DIAPH2: variants seen among roughly 807,000 people sequenced by gnomAD.
DIAPH2 encodes the protein protein diaphanous homolog 2.
In DIAPH2, 35 loss-of-function variants were observed where a neutral mutation model predicts 92.7. The observed-to-expected ratio is 0.38, with a 90% CI of 0.29 to 0.50. The LOEUF is 0.50. Among genes scored for constraint, DIAPH2 ranks in the 20% least tolerant of loss-of-function variants. The pLI, the probability that DIAPH2 is intolerant of heterozygous loss-of-function variation, is 0.94. For synonymous variants in DIAPH2, 301 were observed against 280.4 expected, an observed-to-expected ratio of 1.07 and a Z score of -0.73; for missense variants, 701 against 819.5, an observed-to-expected ratio of 0.86 and a Z score of 1.77.
At chrX:97,198,573 ATAT>A (rs1037929085) in intron 22 of DIAPH2, among the ~76,000 whole-genome samples, 7 of 111,643 alleles carry the variant, frequency 6.3e-5, no homozygotes, top group African/African-American at 2.0e-4. Context: ...CCTATGTAAA[ATAT>A]TATGAATTTA....
At chrX:97,353,499 T>G (rs1387410675) in intron 24 of DIAPH2, among the ~76,000 whole-genome samples, 2 of 111,373 alleles carry the variant, frequency 1.8e-5, no homozygotes, top group South Asian at 7.4e-4. Flanking sequence ...TTTGCTTTTT[T>G]AAAGAACAAT....
intron 21 of DIAPH2, among the ~76,000 whole-genome samples, chrX:97,140,309 C>T (rs1297574934): frequency 1.8e-5 from 2 of 111,469 alleles, no homozygotes; most frequent in Non-Finnish European, 3.8e-5. Flanking sequence ...ATGTGAGCTT[C>T]CCATTGATTC....
intron 26 of DIAPH2, among the ~76,000 whole-genome samples, chrX:97,546,622 G>T (rs2071183059): frequency 9.0e-6 from 1 of 111,674 alleles, no homozygotes; most frequent in Non-Finnish European, 1.9e-5. Flanking sequence ...GATCTCCTGA[G>T]GTCAGGGGTT....
chrX:97,284,207 G>C (rs988920990), intron 23 of DIAPH2, among the ~76,000 whole-genome samples: 2 of 111,751 alleles, frequency 1.8e-5, no homozygotes, highest in Admixed American at 9.5e-5. Flanking sequence ...AATGTAATCT[G>C]ACTAAATATT....
At chrX:96,842,833 G>A (rs1376532585) in intron 4 of DIAPH2, among the ~76,000 whole-genome samples, 2 of 111,362 alleles carry the variant, frequency 1.8e-5, no homozygotes, top group Non-Finnish European at 1.9e-5. Context: ...TTGCTAACTA[G>A]ATCAATTGAT....
At chrX:96,813,083 C>T (rs1200452105) in intron 4 of DIAPH2, among the ~76,000 whole-genome samples, 4 of 111,128 alleles carry the variant, frequency 3.6e-5, no homozygotes, top group Non-Finnish European at 7.5e-5. Context: ...CCTTGTTAAC[C>T]TGCTGTCTCA....
intron 1 of DIAPH2, among the ~76,000 whole-genome samples, chrX:96,723,076 T>TA (rs1207422505): frequency 9.0e-6 from 1 of 111,602 alleles, no homozygotes; most frequent in Non-Finnish European, 1.9e-5. Flanking sequence ...AGTTCCTTCC[T>TA]AAAAAAAGTG....
intron 25 of DIAPH2, among the ~76,000 whole-genome samples, chrX:97,403,722 G>A (rs1261705855): frequency 1.8e-5 from 2 of 111,581 alleles, no homozygotes; most frequent in African/African-American, 3.3e-5. Context: ...TAAAACATTA[G>A]GATGCTCTCT....
intron 5 of DIAPH2, among the ~76,000 whole-genome samples, chrX:96,893,962 A>G (rs2065324914): frequency 8.9e-6 from 1 of 112,426 alleles, no homozygotes; most frequent in Non-Finnish European, 1.9e-5. Flanking sequence ...CTGTAAGTGT[A>G]TAGCCTCTCA....
chrX:97,586,823 C>T (rs188879985), intron 26 of DIAPH2, among the ~76,000 whole-genome samples: 31 of 112,074 alleles, frequency 2.8e-4, no homozygotes, highest in Admixed American at 2.5e-3. Context: ...CTATAACTCT[C>T]TTCTCATTAT....
intron 23 of DIAPH2, among the ~76,000 whole-genome samples, chrX:97,323,484 T>A (rs1283747343): frequency 3.0e-5 from 3 of 99,834 alleles, no homozygotes; most frequent in African/African-American, 1.1e-4. Context: ...CCAGCTACTC[T>A]GGAGGCTGAG....
At chrX:97,334,998 C>CAAAACAAAACA (rs1556029056) in intron 23 of DIAPH2, among the ~76,000 whole-genome samples, 3 of 31,464 alleles carry the variant, frequency 9.5e-5, no homozygotes, top group African/African-American at 2.7e-4. Context: ...AAAAACAAAA[C>CAAAACAAAACA]AAAAAAAAAA....
chrX:96,900,631 G>T (rs1275503915), intron 5 of DIAPH2, among the ~76,000 whole-genome samples: 1 of 111,148 alleles, frequency 9.0e-6, no homozygotes, highest in Non-Finnish European at 1.9e-5. Context: ...AGTCCCTTCT[G>T]TGCCTCGGTT....
chrX:97,503,921 CAAACT>C (rs2070815425), intron 26 of DIAPH2, among the ~76,000 whole-genome samples: 1 of 111,205 alleles, frequency 9.0e-6, no homozygotes, highest in Non-Finnish European at 1.9e-5. Flanking sequence ...AATTTTTTTT[CAAACT>C]AAATAGTCAG....
At chrX:97,507,283 AAATG>A (rs1422239497) in intron 26 of DIAPH2, among the ~76,000 whole-genome samples, 2 of 111,014 alleles carry the variant, frequency 1.8e-5, no homozygotes, top group Non-Finnish European at 3.8e-5. Context: ...AATATTTGTG[AAATG>A]AATGAATAAG....
chrX:97,133,178 G>A (rs1456080644), intron 21 of DIAPH2, among the ~76,000 whole-genome samples: 1 of 112,536 alleles, frequency 8.9e-6, no homozygotes, highest in Non-Finnish European at 1.9e-5. Context: ...ATCAGTTTTT[G>A]TCTCAGAGCA....
At chrX:97,578,203 G>A (rs1488066307) in intron 26 of DIAPH2, among the ~76,000 whole-genome samples, 8 of 105,402 alleles carry the variant, frequency 7.6e-5, no homozygotes, top group Non-Finnish European at 1.4e-4. Context: ...AAGTTTTAGG[G>A]TACATGTGCA....
intron 5 of DIAPH2, chrX:96,884,850 G>T: frequency 8.3e-7 from 1 of 1,211,241 alleles, no homozygotes. Context: ...TAGAAAGTGT[G>T]CCTGTGTCTC....
In DIAPH2 at chrX:97,258,889, A is replaced by C. The variant is rs867863383; in HGVS notation, c.2844+11050A>C. 4.0e-3 allele frequency among the ~76,000 whole-genome samples: 411 copies of C among 101,981 alleles called. 5 individuals carry two copies. The highest frequency in any genetic ancestry group is 0.016 in the Middle Eastern group (3 of 192). The allele number at this position is 101,981 out of a possible 115,157, so 88.6% of individuals were successfully genotyped here. A position where few individuals can be genotyped will look rare whatever the true frequency, so the allele number is the denominator to read the frequency against. On this transcript the variant is annotated intron_variant, in intron 23 of 26. Transcript: ENST00000324765. ...CCGTCTCAAAAAAAAAAAAAAAAAA[A>C]AACAACAACAACAACAACAGAAACA...
Sources: gnomAD v4.1 joint callset for allele counts (sites outside exome capture counted in the v4.1 genomes callset) on GRCh38, gnomAD v4.1.1 for gene constraint, MANE v1.5 for transcripts, NCBI Gene and HGNC (gene_info 2026-07-23, HGNC 2026-07-21) for gene names.